The following ANK3 variants were observed in gnomAD, a reference collection of about 807,000 sequenced individuals.
The protein encoded by ANK3 is ankyrin 3, also known as ankyrin-3.
A neutral mutation model predicts 370.9 loss-of-function variants in ANK3; 57 were observed. That is an observed-to-expected ratio of 0.15 (90% CI 0.12 to 0.19). ANK3 has a LOEUF of 0.19. ANK3 is among the 10% of genes least tolerant of loss of function. The pLI is 1.00. For missense variants in ANK3, 4,439 were observed against 5,302.1 expected, an observed-to-expected ratio of 0.84 and a Z score of 5.06; for synonymous variants, 1,929 against 1,946.3, an observed-to-expected ratio of 0.99 and a Z score of 0.23.
At chr10:60,372,326 C>A (rs1057397615) in intron 1 of ANK3, among the ~76,000 whole-genome samples, 3 of 152,148 alleles carry the variant, frequency 2.0e-5, no homozygotes, top group Admixed American at 2.0e-4. Context: ...ATGATCTAGA[C>A]AATCCACACA....
intron 1 of ANK3, among the ~76,000 whole-genome samples, chr10:60,317,532 TG>T (rs745602209): frequency 6.6e-6 from 1 of 152,134 alleles, no homozygotes; most frequent in Non-Finnish European, 1.5e-5. Flanking sequence ...AACTTACTTT[TG>T]TATGTATCTA....
intron 2 of ANK3, among the ~76,000 whole-genome samples, chr10:60,556,108 A>G (rs1314030428): frequency 6.6e-6 from 1 of 152,218 alleles, no homozygotes. Context: ...GACTCCAGAC[A>G]TTAAAAGAGA....
intron 1 of ANK3, among the ~76,000 whole-genome samples, chr10:60,669,838 T>C (rs2079043927): frequency 6.6e-6 from 1 of 152,206 alleles, no homozygotes; most frequent in Non-Finnish European, 1.5e-5. Flanking sequence ...TTTTTACTTT[T>C]TTGAGACAGG....
At chr10:60,505,028 G>A (rs2075898942) in intron 2 of ANK3, among the ~76,000 whole-genome samples, 1 of 152,002 alleles carries the variant, frequency 6.6e-6, no homozygotes, top group Non-Finnish European at 1.5e-5. Context: ...CCCTTTTTTA[G>A]ACACGTATAT....
intron 2 of ANK3, among the ~76,000 whole-genome samples, chr10:60,580,972 C>A (rs528726730): frequency 2.6e-5 from 4 of 152,272 alleles, no homozygotes; most frequent in Admixed American, 6.5e-5. Flanking sequence ...AAATGCTATC[C>A]CCAATATTCT....
chr10:60,174,289 C>A (rs1329167260), intron 18 of ANK3, among the ~76,000 whole-genome samples: 1 of 152,186 alleles, frequency 6.6e-6, no homozygotes, highest in South Asian at 2.1e-4. Flanking sequence ...TGTCAGTGCA[C>A]CCACACTGAC....
chr10:60,045,909 T>C (rs1228706664), intron 42 of ANK3, among the ~76,000 whole-genome samples: 1 of 109,420 alleles, frequency 9.1e-6, no homozygotes, highest in East Asian at 3.1e-4. Context: ...AGCAAAGTTT[T>C]GTTCTCATTT....
At chr10:60,172,461 CT>C in intron 20 of ANK3, 58 bp from the exon 21 acceptor site, 1 of 1,431,850 alleles carries the variant, frequency 7.0e-7, no homozygotes, top group East Asian at 2.3e-5. Flanking sequence ...ATTTTTTTTG[CT>C]GATACAAAAT....
chr10:60,310,386 C>A (rs2046103020), intron 1 of ANK3, among the ~76,000 whole-genome samples: 1 of 152,094 alleles, frequency 6.6e-6, no homozygotes, highest in Admixed American at 6.6e-5. Context: ...ATAAAAGGAA[C>A]AAACTTAGAT....
intron 1 of ANK3, among the ~76,000 whole-genome samples, chr10:60,288,576 A>T (rs1268573334): frequency 2.0e-5 from 3 of 152,160 alleles, no homozygotes; most frequent in African/African-American, 4.8e-5. Flanking sequence ...GGTAGGTAGA[A>T]ATAAAGAGCC....
chr10:60,435,895 C>G (rs7067875), intron 2 of ANK3, among the ~76,000 whole-genome samples: 2 of 151,956 alleles, frequency 1.3e-5, no homozygotes, highest in African/African-American at 2.4e-5. Flanking sequence ...GTCAGGAGAT[C>G]GAGACCGCGG....
At position 60,376,274 on chromosome 10, in the gene ANK3, G is replaced by A. The variant is rs753754108; in HGVS notation, c.114+13151C>T. Among the ~76,000 whole-genome samples the A allele has an allele frequency of 2.1e-4, 32 of 152,298 alleles. 1 individual carries two copies. In the East Asian group the frequency reaches 4.6e-3, roughly 22 times the overall value. ...TCTCTGCACAGGCACAATGCAGATC[G>A]TATTAATAATTTAGTTTCCACTAAA... On this transcript the variant is annotated intron_variant, in intron 1 of 43. Coordinates refer to ENST00000280772, the MANE Select transcript of ANK3 (RefSeq NM_020987.5).
intron 1 of ANK3, among the ~76,000 whole-genome samples, chr10:60,639,877 C>T (rs1003392036): frequency 6.6e-6 from 1 of 151,752 alleles, no homozygotes; most frequent in Admixed American, 6.6e-5. Flanking sequence ...ATTACATTTA[C>T]CATAAATCAT....
chr10:60,086,494 C>CG, intron 30 of ANK3, 183 bp downstream of exon 30: 1 of 510,722 alleles, frequency 2.0e-6, no homozygotes, highest in South Asian at 4.1e-5. Flanking sequence ...CCAGGATCTT[C>CG]CCAAGAAATG....
chr10:60,380,080 T>C (rs982686472), intron 1 of ANK3, among the ~76,000 whole-genome samples: 2 of 152,094 alleles, frequency 1.3e-5, no homozygotes, highest in African/African-American at 2.4e-5. Flanking sequence ...TTAATCATAT[T>C]TATATTTTTT....
At chr10:60,141,114 C>T (rs1201594893) in intron 23 of ANK3, 1 of 772,792 alleles carries the variant, frequency 1.3e-6, no homozygotes, top group East Asian at 1.3e-4. Context: ...GGTTGTGAAA[C>T]TGGGGCTAAG....
intron 28 of ANK3, among the ~76,000 whole-genome samples, chr10:60,091,771 G>A (rs192835794): frequency 2.7e-5 from 4 of 147,946 alleles, no homozygotes; most frequent in African/African-American, 5.0e-5. Context: ...TCGCTCTATC[G>A]CTAGGCTGGA....
chr10:60,557,405 C>T (rs1291510225), intron 2 of ANK3, among the ~76,000 whole-genome samples: 1 of 152,020 alleles, frequency 6.6e-6, no homozygotes, highest in Admixed American at 6.6e-5. Flanking sequence ...TTGTATGACT[C>T]CATTCATATG....
At chr10:60,650,655 C>A (rs1373577374) in intron 1 of ANK3, among the ~76,000 whole-genome samples, 1 of 152,172 alleles carries the variant, frequency 6.6e-6, no homozygotes, top group African/African-American at 2.4e-5. Flanking sequence ...GATGGAGAGA[C>A]TGCTTTGTAG....
Sources: gnomAD v4.1 joint callset for allele counts (sites outside exome capture counted in the v4.1 genomes callset) on GRCh38, gnomAD v4.1.1 for gene constraint, MANE v1.5 for transcripts, NCBI Gene and HGNC (gene_info 2026-07-23, HGNC 2026-07-21) for gene names.